Variants in TPP2 observed in about 807,000 individuals in gnomAD.
The protein encoded by TPP2 is tripeptidyl peptidase 2.
TPP2 carries 34 observed loss-of-function variants against 155.9 expected under a neutral mutation model. That is an observed-to-expected ratio of 0.22 (90% CI 0.17 to 0.29). TPP2 has a LOEUF of 0.29. Ranked by LOEUF, TPP2 falls within the 10% of genes least tolerant of loss-of-function variation. The pLI is 1.00. For synonymous variants in TPP2, 510 were observed against 529.4 expected (o/e 0.96, Z 0.50); for missense variants, 1,028 against 1,522.3 (o/e 0.68, Z 5.40).
chr13:102,624,839 ATT>A (rs67717673), intron 6 of TPP2, among the ~76,000 whole-genome samples: 5 of 124,136 alleles, frequency 4.0e-5, no homozygotes, highest in African/African-American at 8.9e-5. Flanking sequence ...CATGTACTTA[ATT>A]TTTTTTTTTC....
At chr13:102,637,362 C>A in intron 14 of TPP2, 123 bp downstream of exon 14, 1 of 1,036,536 alleles carries the variant, frequency 9.6e-7, no homozygotes, top group Non-Finnish European at 1.3e-6. Context: ...ACCTATCCAT[C>A]TGCCAGGTTA....
At chr13:102,642,949 CTGTTTCCAGG>C (rs1882863273) in intron 16 of TPP2, among the ~76,000 whole-genome samples, 1 of 152,192 alleles carries the variant, frequency 6.6e-6, no homozygotes, top group African/African-American at 2.4e-5. Flanking sequence ...GGACAGCTTG[CTGTTTCCAGG>C]TGTTTGCAGC....
intron 21 of TPP2, among the ~76,000 whole-genome samples, chr13:102,647,967 T>C (rs1236800710): frequency 6.6e-6 from 1 of 152,210 alleles, no homozygotes; most frequent in Non-Finnish European, 1.5e-5. Flanking sequence ...TTTATGGAGA[T>C]TTTTTTCAAT....
chr13:102,670,184 C>T (rs912972587), intron 27 of TPP2, among the ~76,000 whole-genome samples: 3 of 151,456 alleles, frequency 2.0e-5, no homozygotes, highest in African/African-American at 4.9e-5. Context: ...GGGGGTGTGG[C>T]GGTGAACCAC....
Position 102,664,862 on chromosome 13 carries a change from C to G in TPP2, c.3308C>G (p.Thr1103Arg). The G allele has an allele frequency of 1.2e-6, 2 of 1,613,724 alleles. No individual in the cohort carries two copies. The highest frequency in any genetic ancestry group is 1.7e-6 in the Non-Finnish European group (2 of 1,179,820). The change falls in exon 27 of 30, where the codon ACA (threonine) becomes AGA (arginine). Residue 1103 changes from threonine (T) to arginine (R), a missense_variant. Transcript: ENST00000376052. ...GCTGTTATTTCTCATATAGATCAAA[C>G]AGCCCTAGCAGTTTATATTGCAATG... ...ANAVISHIDQ[T>R]ALAVYIAMKT...
intron 2 of TPP2, among the ~76,000 whole-genome samples, chr13:102,607,101 C>G (rs1595132994): frequency 6.6e-6 from 1 of 152,168 alleles, no homozygotes; most frequent in East Asian, 1.9e-4. Flanking sequence ...AGGAAGAGGG[C>G]TTTCACCTAT....
At chr13:102,645,272 C>T (rs755533038) in intron 19 of TPP2, among the ~76,000 whole-genome samples, 2 of 152,144 alleles carry the variant, frequency 1.3e-5, no homozygotes, top group Non-Finnish European at 2.9e-5. Context: ...CTTTTTATTT[C>T]TTGCTGTAAA....
At chr13:102,664,309 CAGTT>C (rs992545719) in intron 26 of TPP2, among the ~76,000 whole-genome samples, 2 of 152,176 alleles carry the variant, frequency 1.3e-5, no homozygotes, top group African/African-American at 2.4e-5. Flanking sequence ...ATGGTAATCA[CAGTT>C]AGACTGTTGA....
At chr13:102,638,777 T>C (rs1448638307) in intron 15 of TPP2, among the ~76,000 whole-genome samples, 1 of 112,990 alleles carries the variant, frequency 8.9e-6, no homozygotes, top group Non-Finnish European at 1.9e-5. Context: ...TCCCATCTTA[T>C]TCCTCTGGAA....
intron 28 of TPP2, among the ~76,000 whole-genome samples, chr13:102,674,894 T>G (rs189865039): frequency 1.3e-5 from 2 of 152,346 alleles, no homozygotes; most frequent in African/African-American, 4.8e-5. Flanking sequence ...TTACTTATTT[T>G]CCTCAAAACT....
rs1882972069 is a variant in TPP2 at position 102,644,489 on chromosome 13, T to C, written c.2176-68T>C. The C allele has an allele frequency of 3.8e-6, 5 of 1,311,418 alleles. No individual in the cohort carries two copies. The Admixed American group carries it at 6.6e-5, about 17-fold the overall frequency. 81.2% of individuals were successfully genotyped at this position (1,311,418 alleles called of 1,614,324 possible). On this transcript the variant is annotated intron_variant, in intron 17 of 29. Coordinates refer to ENST00000376052, the MANE Select transcript of TPP2 (RefSeq NM_001330588.2). ...GAAAACAGAATTGCTCTGAAACAGC[T>C]AGTATTTATATTCTGTAATTTGAGA...
At chr13:102,616,205 C>T (rs994883640) in intron 3 of TPP2, among the ~76,000 whole-genome samples, 191 bp from the exon 4 acceptor site, 3 of 152,208 alleles carry the variant, frequency 2.0e-5, no homozygotes, top group African/African-American at 7.2e-5. Context: ...GATCCGCCTA[C>T]CTCAGCCTTC....
chr13:102,668,117 C>A (rs562252294), intron 27 of TPP2, among the ~76,000 whole-genome samples: 1 of 152,074 alleles, frequency 6.6e-6, no homozygotes. Context: ...ATTTGTCTAG[C>A]GCAAATGATC....
At chr13:102,624,852 C>CTTTTTTTTTTTTTTTTTTTTT (rs1029486604) in intron 6 of TPP2, among the ~76,000 whole-genome samples, 3 of 83,422 alleles carry the variant, frequency 3.6e-5, no homozygotes, top group Non-Finnish European at 6.4e-5. Flanking sequence ...TTTTTTTTTC[C>CTTTTTTTTTTTTTTTTTTTTT]TTTTTTTTTT....
intron 10 of TPP2, among the ~76,000 whole-genome samples, chr13:102,630,753 G>A (rs1043294724): frequency 3.3e-5 from 5 of 152,280 alleles, no homozygotes; most frequent in African/African-American, 1.2e-4. Flanking sequence ...TTCTGAAGAG[G>A]TATATTAAGT....
intron 1 of TPP2, among the ~76,000 whole-genome samples, chr13:102,598,327 C>T (rs767121397): frequency 6.6e-6 from 1 of 152,188 alleles, no homozygotes; most frequent in Non-Finnish European, 1.5e-5. Context: ...AATGTCCCTT[C>T]CCTTCTGGAT....
chr13:102,637,739 C>CAAAAT (rs1882477117), intron 14 of TPP2, among the ~76,000 whole-genome samples: 1 of 152,028 alleles, frequency 6.6e-6, no homozygotes, highest in African/African-American at 2.4e-5. Context: ...TTTGTAGAGA[C>CAAAAT]AGGATCTCTC....
chr13:102,640,020 G>T (rs1382737310), intron 15 of TPP2, among the ~76,000 whole-genome samples: 2 of 152,192 alleles, frequency 1.3e-5, no homozygotes, highest in African/African-American at 2.4e-5. Flanking sequence ...TTTTAATAGT[G>T]TGTGTGAATG....
intron 15 of TPP2, among the ~76,000 whole-genome samples, chr13:102,639,758 T>C (rs190717253): frequency 6.6e-6 from 1 of 152,378 alleles, no homozygotes; most frequent in African/African-American, 2.4e-5. Flanking sequence ...AGTTATGCAT[T>C]TGAACTTTAT....
Sources: gnomAD v4.1 joint callset for allele counts (sites outside exome capture counted in the v4.1 genomes callset) on GRCh38, gnomAD v4.1.1 for gene constraint, MANE v1.5 for transcripts, NCBI Gene and HGNC (gene_info 2026-07-23, HGNC 2026-07-21) for gene names.